The following CDH4 variants were observed in gnomAD, a reference collection of about 807,000 sequenced individuals.
The protein encoded by CDH4 is cadherin-4.
A neutral mutation model predicts 86.0 loss-of-function variants in CDH4; 33 were observed. The observed-to-expected ratio is 0.38, with a 90% CI of 0.29 to 0.51. CDH4 has a LOEUF of 0.51. CDH4 is among the 20% of genes least tolerant of loss of function. CDH4 has a pLI of 0.86. For synonymous variants in CDH4, 555 were observed against 549.4 expected (o/e 1.01, Z -0.14); for missense variants, 1,114 against 1,307.4 (o/e 0.85, Z 2.28).
intron 4 of CDH4, among the ~76,000 whole-genome samples, chr20:61,782,019 AGGTGAAGCC>A (rs1352382929): frequency 6.6e-6 from 1 of 152,216 alleles, no homozygotes. Context: ...TCAAAAATGA[AGGTGAAGCC>A]GGGCATGGTG....
At position 61,383,843 on chromosome 20, in the gene CDH4, G is replaced by A. The variant is rs533009737; in HGVS notation, c.169+128906G>A. Among the ~76,000 whole-genome samples, 27 of 84,942 alleles carry A rather than the reference G, an allele frequency of 3.2e-4. 1 individual carries two copies. Among genetic ancestry groups the A allele is most frequent in the African/African-American group, 6.3e-4 (11 of 17,574 alleles). 55.7% of individuals were successfully genotyped at this position (84,942 alleles called of 152,430 possible). On this transcript the variant is annotated intron_variant, in intron 2 of 15. Transcript: ENST00000614565. ...TGCGTATATATGAAGATATATATGC[G>A]TATATATGAAGATATATATGCGTAT...
chr20:61,680,575 G>T (rs552963609), intron 2 of CDH4, among the ~76,000 whole-genome samples: 1 of 152,164 alleles, frequency 6.6e-6, no homozygotes, highest in Non-Finnish European at 1.5e-5. Flanking sequence ...GGGGAAGGGC[G>T]GGGAGAAACA....
At chr20:61,767,187 C>T (rs1048504621) in intron 3 of CDH4, among the ~76,000 whole-genome samples, 2 of 152,220 alleles carry the variant, frequency 1.3e-5, no homozygotes, top group Admixed American at 1.3e-4. Flanking sequence ...CCCGCCCCCA[C>T]ATGAGCATGC....
chr20:61,483,028 GGCTGTGCTAA>G (rs1407981436), intron 2 of CDH4, among the ~76,000 whole-genome samples: 3 of 152,212 alleles, frequency 2.0e-5, no homozygotes, highest in African/African-American at 7.2e-5. Flanking sequence ...TTAACTACCA[GGCTGTGCTAA>G]GTCAGGATGG....
At chr20:61,867,247 C>A (rs923335000) in intron 6 of CDH4, among the ~76,000 whole-genome samples, 3 of 152,232 alleles carry the variant, frequency 2.0e-5, no homozygotes, top group African/African-American at 7.2e-5. Context: ...CAGGGGACCT[C>A]CCCTCAAAGA....
chr20:61,600,618 C>T (rs1356302644), intron 2 of CDH4, among the ~76,000 whole-genome samples: 1 of 152,216 alleles, frequency 6.6e-6, no homozygotes, highest in Non-Finnish European at 1.5e-5. Flanking sequence ...ACTATTGTCC[C>T]TCAGGGGATT....
chr20:61,442,172 G>A (rs1160012941), intron 2 of CDH4, among the ~76,000 whole-genome samples: 5 of 152,108 alleles, frequency 3.3e-5, no homozygotes, highest in South Asian at 2.1e-4. Context: ...GCACATAAGC[G>A]AGGATGTATT....
rs1389956043 is a variant in CDH4 at position 61,852,911 on chromosome 20, G to A, written c.877+13G>A. ...GGCTCCAAGCCAGGTGAGGCCTTTA[G>A]CGTTTGCTTGCTGGAGACCCTGTGG... On this transcript the variant is annotated intron_variant, in intron 6 of 15. Coordinates refer to ENST00000614565, the MANE Select transcript of CDH4 (RefSeq NM_001794.5). 6 of 1,613,218 alleles carry A rather than the reference G, an allele frequency of 3.7e-6. No homozygotes were observed.
intron 2 of CDH4, among the ~76,000 whole-genome samples, chr20:61,587,436 T>C (rs1358640395): frequency 2.0e-5 from 3 of 152,136 alleles, no homozygotes; most frequent in Non-Finnish European, 2.9e-5. Flanking sequence ...AGTTTCCAAA[T>C]CAGTTTGACC....
intron 2 of CDH4, among the ~76,000 whole-genome samples, chr20:61,334,087 C>A (rs937390859): frequency 1.3e-5 from 2 of 152,178 alleles, no homozygotes; most frequent in African/African-American, 4.8e-5. Context: ...CTGGTCACCC[C>A]AAGAGGGCCT....
rs533173671 is a variant in CDH4 at position 61,653,674 on chromosome 20, G to A, written c.170-89889G>A. 7.5e-3 allele frequency among the ~76,000 whole-genome samples: 848 copies of A among 113,276 alleles called. 108 individuals carry two copies. Among genetic ancestry groups the A allele is most frequent in the African/African-American group, 0.024 (819 of 34,076 alleles). 74.3% of individuals were successfully genotyped at this position (113,276 alleles called of 152,430 possible). ...GGGCTCCTCACTTCTCAGACAGGGC[G>A]GCCGGGCAGAGACGCTCCTCACCTC... On this transcript the variant is annotated intron_variant, in intron 2 of 15. Transcript: ENST00000614565.
At chr20:61,573,429 C>T (rs2086359345) in intron 2 of CDH4, among the ~76,000 whole-genome samples, 2 of 152,198 alleles carry the variant, frequency 1.3e-5, no homozygotes, top group South Asian at 4.1e-4. Context: ...TTTGGCATCT[C>T]CAGAAGCAGA....
chr20:61,342,106 C>T (rs986611488), intron 2 of CDH4, among the ~76,000 whole-genome samples: 1 of 152,102 alleles, frequency 6.6e-6, no homozygotes, highest in African/African-American at 2.4e-5. Flanking sequence ...GGGAGGCTTT[C>T]GTCTCCTGGG....
At chr20:61,419,872 T>A (rs2085167769) in intron 2 of CDH4, among the ~76,000 whole-genome samples, 2 of 152,180 alleles carry the variant, frequency 1.3e-5, no homozygotes, top group African/African-American at 4.8e-5. Flanking sequence ...CTCACAGCCA[T>A]CATCAGAATT....
At chr20:61,698,689 G>C (rs953874898) in intron 2 of CDH4, among the ~76,000 whole-genome samples, 1 of 152,246 alleles carries the variant, frequency 6.6e-6, no homozygotes, top group Admixed American at 6.5e-5. Flanking sequence ...CAGCTGTGGG[G>C]CGTGCACTGT....
chr20:61,655,417 C>T (rs931996741), intron 2 of CDH4, among the ~76,000 whole-genome samples: 7 of 152,228 alleles, frequency 4.6e-5, no homozygotes, highest in Non-Finnish European at 7.3e-5. Flanking sequence ...TCATTTCAGC[C>T]TTGCGGAGAG....
At chr20:61,554,041 TC>T (rs1421033241) in intron 2 of CDH4, among the ~76,000 whole-genome samples, 1 of 152,170 alleles carries the variant, frequency 6.6e-6, no homozygotes, top group African/African-American at 2.4e-5. Context: ...AGAGCAGGAC[TC>T]CCCAGGGCAG....
intron 4 of CDH4, among the ~76,000 whole-genome samples, chr20:61,799,751 G>A (rs1403365184): frequency 6.6e-6 from 1 of 152,180 alleles, no homozygotes; most frequent in Non-Finnish European, 1.5e-5. Context: ...CCCGCTCCTG[G>A]GTGGGCAGGG....
chr20:61,746,300 G>C (rs975714517), intron 3 of CDH4, among the ~76,000 whole-genome samples: 10 of 152,206 alleles, frequency 6.6e-5, no homozygotes, highest in Non-Finnish European at 8.8e-5. Flanking sequence ...AGACATGACT[G>C]TTGCAGGGCA....
Sources: allele counts gnomAD v4.1 joint callset (sites outside exome capture counted in the v4.1 genomes callset), GRCh38; gene constraint gnomAD v4.1.1; transcripts MANE v1.5; gene names NCBI Gene and HGNC (gene_info 2026-07-23, HGNC 2026-07-21).